Variants in ALMS1 observed in about 807,000 individuals in gnomAD.
ALMS1 encodes the protein ALMS1 centrosome and basal body associated protein, also known as centrosome-associated protein ALMS1.
In ALMS1, 271 loss-of-function variants were observed where a neutral mutation model predicts 352.2. That is an observed-to-expected ratio of 0.77 (90% CI 0.70 to 0.85). The LOEUF is 0.85. ALMS1 is among the 40% of genes least tolerant of loss of function. The probability of loss-of-function intolerance (pLI) is 0.00; values close to 1 mark genes in which losing one functional copy is unlikely to be tolerated. For synonymous variants in ALMS1, 1,865 were observed against 1,761.2 expected (o/e 1.06, Z -1.48); for missense variants, 5,445 against 4,870.7 (o/e 1.12, Z -3.51).
At position 73,600,764 on chromosome 2, in the gene ALMS1, T is replaced by C. The variant is rs750372739; in HGVS notation, c.11755T>C (p.Leu3919=). 26 of 1,614,002 alleles carry C rather than the reference T, an allele frequency of 1.6e-5. No individual in the cohort carries two copies. Among genetic ancestry groups the C allele is most frequent in the Middle Eastern group, 1.6e-4 (1 of 6,084 alleles). ...AACTCCAAGTTCCAGCGAGGCTAAA[T>C]TGGAAGAGAACAGTGATGTGACTTC... is the stretch of plus-strand genomic sequence containing the variant. ...FPTPSSSEAK[L]EENSDVTSWS... The change falls in exon 18 of 23, where the codon TTG becomes CTG. Residue 3919 remains leucine, a synonymous_variant. Coordinates refer to ENST00000613296, the MANE Select transcript of ALMS1 (RefSeq NM_001378454.1).
intron 9 of ALMS1, among the ~76,000 whole-genome samples, chr2:73,460,725 G>A (rs1001064155): frequency 5.9e-5 from 9 of 152,210 alleles, no homozygotes; most frequent in African/African-American, 1.9e-4. Context: ...CTGGAAAATC[G>A]CATCACTCCC....
At chr2:73,571,530 C>T (rs928408021) in intron 15 of ALMS1, among the ~76,000 whole-genome samples, 29 of 152,172 alleles carry the variant, frequency 1.9e-4, no homozygotes, top group African/African-American at 6.5e-4. Flanking sequence ...GGCACTAATC[C>T]CATTCATGAA....
chr2:73,450,942 C>A lies in ALMS1; in HGVS notation c.4415C>A (p.Thr1472Asn). 1 of 1,613,964 alleles carries A rather than the reference C, an allele frequency of 6.2e-7. No individual in the cohort carries two copies. Among genetic ancestry groups the A allele is most frequent in the Non-Finnish European group, 8.5e-7 (1 of 1,179,938 alleles). The change falls in exon 8 of 23, where the codon ACC becomes AAC. Residue 1472 changes from threonine (T) to asparagine (N), a missense_variant. Physicochemically the swap from Thr to Asn is moderately conservative, Grantham distance 65. Transcript: ENST00000613296. ...VDQTIGTPTV[T>N]SPSSSFGEKP... ...CAGACGATTGGCACACCAACTGTAACCTCCCCTTCCAGCTCATTTGGAGAG... is the reference window on the plus strand; with the variant it reads ...CAGACGATTGGCACACCAACTGTAAACTCCCCTTCCAGCTCATTTGGAGAG...
intron 9 of ALMS1, among the ~76,000 whole-genome samples, chr2:73,461,849 G>A (rs1420488937): frequency 6.6e-6 from 1 of 152,160 alleles, no homozygotes; most frequent in Non-Finnish European, 1.5e-5. Flanking sequence ...GGAAGAAAGG[G>A]TATCAGTGAT....
At position 73,450,748 on chromosome 2, in the gene ALMS1, C is replaced by G; in HGVS notation, c.4221C>G (p.Asn1407Lys). Reference sequence around the variant, plus strand: ...GTCATCTAACTGAAGAGGCTAAGAACGTTTCAGCGGTTCCTGGACCAGGTG... The same window carrying G: ...GTCATCTAACTGAAGAGGCTAAGAAGGTTTCAGCGGTTCCTGGACCAGGTG... ...PGSHLTEEAK[N>K]VSAVPGPGDR... Residue 1407 changes from asparagine to lysine, a missense_variant, in exon 8 of 23, where the codon AAC becomes AAG. Physicochemically the swap from Asn to Lys is moderately conservative, Grantham distance 94 (BLOSUM62 0). Transcript: ENST00000613296. 6.2e-7 allele frequency: 1 copy of G among 1,607,952 alleles called. No homozygotes were observed. The highest frequency in any genetic ancestry group is 8.5e-7 in the Non-Finnish European group (1 of 1,178,072).
At chr2:73,546,938 G>A (rs1674334952) in intron 12 of ALMS1, among the ~76,000 whole-genome samples, 1 of 152,162 alleles carries the variant, frequency 6.6e-6, no homozygotes, top group African/African-American at 2.4e-5. Flanking sequence ...TGGTAAGGTA[G>A]CCAGACCAGG....
chr2:73,589,100 G>T (rs976332187), intron 16 of ALMS1, among the ~76,000 whole-genome samples: 1 of 151,946 alleles, frequency 6.6e-6, no homozygotes, highest in Non-Finnish European at 1.5e-5. Flanking sequence ...ATAAAAATAT[G>T]AATTATGATT....
intron 2 of ALMS1, among the ~76,000 whole-genome samples, chr2:73,411,682 GT>G (rs1671080774): frequency 6.6e-6 from 1 of 152,068 alleles, no homozygotes. Flanking sequence ...GTTCATCTTT[GT>G]TACTGTCATC....
chr2:73,593,993 G>A (rs1400740542), intron 16 of ALMS1, among the ~76,000 whole-genome samples: 1 of 152,138 alleles, frequency 6.6e-6, no homozygotes, highest in African/African-American at 2.4e-5. Context: ...GGACATTTGT[G>A]TTGTTTCTGT....
intron 10 of ALMS1, among the ~76,000 whole-genome samples, chr2:73,518,921 T>C (rs766857454): frequency 1.3e-5 from 2 of 152,270 alleles, no homozygotes; most frequent in Admixed American, 6.5e-5. Flanking sequence ...GAAGCTCTTA[T>C]GTTTAATTAG....
intron 10 of ALMS1, among the ~76,000 whole-genome samples, chr2:73,500,268 T>G (rs990674523): frequency 2.0e-5 from 3 of 152,202 alleles, no homozygotes; most frequent in Non-Finnish European, 2.9e-5. Flanking sequence ...TTCTGTAGGT[T>G]GTTGTTCCAA....
At position 73,449,805 on chromosome 2, in the gene ALMS1, C is replaced by G. The variant is rs766187468; in HGVS notation, c.3278C>G (p.Pro1093Arg). ...CAGATGACTGACACACCAGCAGTAC[C>G]GTCTACTTTCTACTCACAAAGAGAG... is the stretch of plus-strand genomic sequence containing the variant. ...ADQMTDTPAV[P>R]STFYSQREKP... is the part of the protein sequence containing the mutation. The change falls in exon 8 of 23, where the codon CCG becomes CGG. Residue 1093 changes from proline to arginine, a missense_variant. Coordinates refer to ENST00000613296, the MANE Select transcript of ALMS1 (RefSeq NM_001378454.1). 6.2e-7 allele frequency: 1 copy of G among 1,614,038 alleles called. No homozygotes were observed. The highest frequency in any genetic ancestry group is 1.1e-5 in the South Asian group (1 of 91,082).
chr2:73,583,890 AAT>A (rs1409401816), intron 16 of ALMS1, among the ~76,000 whole-genome samples: 4 of 152,144 alleles, frequency 2.6e-5, no homozygotes, highest in Admixed American at 2.6e-4. Flanking sequence ...TTCCTCTGGT[AAT>A]ATGTTTTCAA....
chr2:73,544,386 G>A (rs1674264957), intron 12 of ALMS1, among the ~76,000 whole-genome samples: 1 of 152,014 alleles, frequency 6.6e-6, no homozygotes, highest in South Asian at 2.1e-4. Flanking sequence ...AAGCGGGGAG[G>A]GATAGCATTA....
chr2:73,576,727 TCTC>T (rs1207142300), intron 16 of ALMS1, among the ~76,000 whole-genome samples: 1 of 151,956 alleles, frequency 6.6e-6, no homozygotes, highest in African/African-American at 2.4e-5. Flanking sequence ...TTCAACCAAT[TCTC>T]CTGCTTCAGC....
intron 7 of ALMS1, among the ~76,000 whole-genome samples, chr2:73,445,410 T>A (rs1671791821): frequency 6.6e-6 from 1 of 152,132 alleles, no homozygotes; most frequent in African/African-American, 2.4e-5. Context: ...GTTACAGACT[T>A]ATTAGTGACT....
rs530374133 is a variant in ALMS1, at chr2:73,497,659, A to T, written c.9539+6161A>T. ...GTTGATGGGCACTTAGGTTTTTATGAGTTACTTCACTTAGAATAATGGCCT... is the reference window on the plus strand; with the variant it reads ...GTTGATGGGCACTTAGGTTTTTATGTGTTACTTCACTTAGAATAATGGCCT... On this transcript the variant is annotated intron_variant, in intron 10 of 22. Coordinates refer to ENST00000613296, the MANE Select transcript of ALMS1 (RefSeq NM_001378454.1). 4.6e-5 allele frequency among the ~76,000 whole-genome samples: 7 copies of T among 152,168 alleles called. No individual in the cohort carries two copies. In the South Asian group the frequency reaches 1.5e-3, roughly 32 times the overall value.
Position 73,450,718 on chromosome 2 carries a change from A to G in ALMS1, c.4191A>G (p.Pro1397=). 6.2e-7 allele frequency: 1 copy of G among 1,613,176 alleles called. No homozygotes were observed. The highest frequency in any genetic ancestry group is 8.5e-7 in the Non-Finnish European group (1 of 1,179,614). ...GTATTTTCTACCAACAGTCGTTGCC[A>G]GGTAGTCATCTAACTGAAGAGGCTA... ...KPSIFYQQSL[P]GSHLTEEAKN... Residue 1397 remains proline (P), a synonymous_variant, in exon 8 of 23, where the codon CCA becomes CCG. Transcript: ENST00000613296.
At chr2:73,557,079 A>G (rs1018381232) in intron 13 of ALMS1, 141 bp from the exon 14 acceptor site, 12 of 1,100,256 alleles carry the variant, frequency 1.1e-5, no homozygotes, top group African/African-American at 1.6e-5. Flanking sequence ...CACAGTTTTT[A>G]CACAGGTGGA....
Sources: allele counts gnomAD v4.1 joint callset (sites outside exome capture counted in the v4.1 genomes callset), GRCh38; gene constraint gnomAD v4.1.1; transcripts MANE v1.5; gene names NCBI Gene and HGNC (gene_info 2026-07-23, HGNC 2026-07-21).